The following CRYBG3 variants were observed in gnomAD, a reference collection of about 807,000 sequenced individuals.
CRYBG3 encodes the protein very large A-kinase anchor protein.
In CRYBG3, 127 loss-of-function variants were observed where a neutral mutation model predicts 244.2. The ratio of observed to expected loss-of-function variants is 0.52; its 90% CI spans 0.45 to 0.60. The LOEUF (loss-of-function observed/expected upper bound fraction) is 0.60. CRYBG3 is among the 20% of genes least tolerant of loss of function. The pLI, the probability that CRYBG3 is intolerant of heterozygous loss-of-function variation, is 0.00. For synonymous variants in CRYBG3, 1,132 were observed against 1,195.8 expected, an observed-to-expected ratio of 0.95 and a Z score of 1.10; for missense variants, 3,325 against 3,442.5, an observed-to-expected ratio of 0.97 and a Z score of 0.85.
intron 14 of CRYBG3, 52 bp downstream of exon 14, chr3:97,899,315 T>C (rs776868139): frequency 8.4e-6 from 13 of 1,553,004 alleles, no homozygotes. Context: ...AGTATGCAAT[T>C]AAATATGTGG....
At chr3:97,941,806 C>A (rs954768201) in intron 20 of CRYBG3, 1 of 153,264 alleles carries the variant, frequency 6.5e-6, no homozygotes, top group Non-Finnish European at 1.5e-5. Flanking sequence ...GGGAATAGAA[C>A]ACTACTTTAA....
chr3:97,881,119 T>C lies in CRYBG3; in HGVS notation c.7052T>C (p.Leu2351Pro). The C allele has an allele frequency of 1.2e-6, 2 of 1,611,104 alleles. No individual in the cohort carries two copies. The highest frequency in any genetic ancestry group is 1.7e-6 in the Non-Finnish European group (2 of 1,178,694). ...KPHFRGQKCV[L>P]EEGEKVLNRD... ...CATTTCCGAGGTCAGAAATGTGTGC[T>C]AGAAGAAGGGGAAAAGGTGTTAAAT... is the stretch of plus-strand genomic sequence containing the variant. The change falls in exon 7 of 22, where the codon CTA becomes CCA. Residue 2351 changes from leucine to proline, a missense_variant. Transcript: ENST00000389622.
intron 17 of CRYBG3, chr3:97,924,367 G>C (rs1254998474): frequency 4.4e-6 from 2 of 452,216 alleles, no homozygotes; most frequent in Non-Finnish European, 8.9e-6. Context: ...ACTGCAGTAG[G>C]ATGGATTTCT....
At chr3:97,859,456 A>T (rs906050784) in intron 2 of CRYBG3, among the ~76,000 whole-genome samples, 3 of 152,218 alleles carry the variant, frequency 2.0e-5, no homozygotes, top group African/African-American at 7.2e-5. Flanking sequence ...AAAAAAGTTC[A>T]GACATCACTA....
intron 3 of CRYBG3, among the ~76,000 whole-genome samples, chr3:97,870,105 T>C (rs964527645): frequency 2.0e-5 from 3 of 152,150 alleles, no homozygotes; most frequent in African/African-American, 7.2e-5. Context: ...AGAACACACA[T>C]CAGATTTTTC....
chr3:97,926,590 A>G (rs2040042745), intron 17 of CRYBG3, among the ~76,000 whole-genome samples: 1 of 152,008 alleles, frequency 6.6e-6, no homozygotes, highest in Non-Finnish European at 1.5e-5. Context: ...CAAGAGAAAG[A>G]AGTAAAAGGC....
chr3:97,874,917 A>C lies in CRYBG3; in HGVS notation c.3723A>C (p.Glu1241Asp). 2 of 1,535,646 alleles carry C rather than the reference A, an allele frequency of 1.3e-6. No homozygotes were observed. Among genetic ancestry groups the C allele is most frequent in the Non-Finnish European group, 8.7e-7 (1 of 1,146,730 alleles). The change falls in exon 4 of 22, where the codon GAA becomes GAC. Residue 1241 changes from glutamate to aspartate, a missense_variant. Physicochemically the swap from Glu to Asp is conservative, Grantham distance 45. This residue lies in a region of CRYBG3 where 1,526 missense variants were observed against 1,443.2 expected (regional missense o/e 1.06). Transcript: ENST00000389622. Reference sequence around the variant, plus strand: ...TAATGAATCTGGGTACCCTGAAAGAAGACATCTCTGAGAAAAACCCATCAG... The same window carrying C: ...TAATGAATCTGGGTACCCTGAAAGACGACATCTCTGAGAAAAACCCATCAG... ...EGIMNLGTLK[E>D]DISEKNPSEV...
Position 97,874,059 on chromosome 3 carries a change from A to G in CRYBG3, c.2865A>G (p.Gln955=). The G allele has an allele frequency of 6.5e-7, 1 of 1,535,912 alleles. No individual in the cohort carries two copies. Among genetic ancestry groups the G allele is most frequent in the East Asian group, 2.4e-5 (1 of 40,906 alleles). Residue 955 remains glutamine, a synonymous_variant, in exon 4 of 22, where the codon CAA becomes CAG. Transcript: ENST00000389622. ...TTCATGATGAAAAAATCAGTAGGCAAATGGCGCAGAATTGTGAAGCTCACA... is the reference window on the plus strand; with the variant it reads ...TTCATGATGAAAAAATCAGTAGGCAGATGGCGCAGAATTGTGAAGCTCACA... The part of the protein sequence containing the change: ...PPIHDEKISR[Q]MAQNCEAHTC...
intron 7 of CRYBG3, among the ~76,000 whole-genome samples, chr3:97,884,295 C>A (rs1352427086): frequency 6.6e-6 from 1 of 152,018 alleles, no homozygotes; most frequent in African/African-American, 2.4e-5. Context: ...CAAGTGCTTT[C>A]ATTTATAAAA....
intron 20 of CRYBG3, 200 bp from the exon 21 acceptor site, chr3:97,942,084 A>G: frequency 2.6e-6 from 1 of 383,724 alleles, no homozygotes; most frequent in Non-Finnish European, 4.6e-6. Flanking sequence ...CAGTTGGTTT[A>G]TTTCTGTACC....
At chr3:97,915,395 A>G (rs1230402056) in intron 16 of CRYBG3, among the ~76,000 whole-genome samples, 2 of 152,116 alleles carry the variant, frequency 1.3e-5, no homozygotes, top group African/African-American at 4.8e-5. Context: ...ATGAAATAGT[A>G]TATGTAAAGT....
At position 97,874,911 on chromosome 3, in the gene CRYBG3, G is replaced by T; in HGVS notation, c.3717G>T (p.Leu1239=). The change falls in exon 4 of 22, where the codon CTG becomes CTT. Residue 1239 remains leucine, a synonymous_variant. Coordinates refer to ENST00000389622, the MANE Select transcript of CRYBG3 (RefSeq NM_153605.4). ...AAGGTATAATGAATCTGGGTACCCTGAAAGAAGACATCTCTGAGAAAAACC... is the reference window on the plus strand; with the variant it reads ...AAGGTATAATGAATCTGGGTACCCTTAAAGAAGACATCTCTGAGAAAAACC... The part of the protein sequence containing the change: ...AIEGIMNLGT[L]KEDISEKNPS... 6.5e-7 allele frequency: 1 copy of T among 1,535,386 alleles called. No individual in the cohort carries two copies. Among genetic ancestry groups the T allele is most frequent in the Non-Finnish European group, 8.7e-7 (1 of 1,146,666 alleles).
chr3:97,908,911 C>A (rs2039824909), intron 15 of CRYBG3, among the ~76,000 whole-genome samples: 2 of 152,038 alleles, frequency 1.3e-5, no homozygotes, highest in Admixed American at 1.3e-4. Context: ...ATGTTTAGCG[C>A]TTCCTTCAGG....
In CRYBG3 at chr3:97,943,546, G is replaced by T. The variant is rs571741271; in HGVS notation, c.*232G>T. 98 of 457,612 alleles carry T rather than the reference G, an allele frequency of 2.1e-4. No individual in the cohort carries two copies. The highest frequency in any genetic ancestry group is 5.4e-4 in the Admixed American group (12 of 22,074). The allele number at this position is 457,612 out of a possible 1,614,324, so 28.3% of individuals were successfully genotyped here. A position where few individuals can be genotyped will look rare whatever the true frequency, so the allele number is the denominator to read the frequency against. ...GAAAATATTATGATATCTTGGAAAG[G>T]TTCTATTCCTGATCTCCAGCTGTGG... On this transcript the variant is annotated 3_prime_UTR_variant, in exon 22 of 22. Transcript: ENST00000389622.
At chr3:97,855,741 A>G (rs1171584804) in intron 2 of CRYBG3, among the ~76,000 whole-genome samples, 1 of 152,148 alleles carries the variant, frequency 6.6e-6, no homozygotes, top group African/African-American at 2.4e-5. Flanking sequence ...GTGATGCCCC[A>G]CAGGCTGCAA....
chr3:97,880,239 T>TTATTAGTGTG, intron 6 of CRYBG3, 139 bp downstream of exon 6: 1 of 564,454 alleles, frequency 1.8e-6, no homozygotes, highest in Non-Finnish European at 3.1e-6. Context: ...TGAAACATTA[T>TTATTAGTGTG]TATTAGTGTG....
chr3:97,868,681 C>G (rs1421183447), intron 3 of CRYBG3, among the ~76,000 whole-genome samples: 1 of 152,068 alleles, frequency 6.6e-6, no homozygotes, highest in Non-Finnish European at 1.5e-5. Flanking sequence ...CACTGCCTAC[C>G]CTGCAAAGGA....
chr3:97,830,573 A>G (rs1458583215), intron 1 of CRYBG3, among the ~76,000 whole-genome samples: 1 of 152,112 alleles, frequency 6.6e-6, no homozygotes, highest in Non-Finnish European at 1.5e-5. Flanking sequence ...TTTCTACTTT[A>G]GTAAATGATA....
rs189933205 is a variant in CRYBG3, at chr3:97,875,356, A to G, written c.4162A>G (p.Ser1388Gly). ...NEFFSLSNLASGTESIKGGEI... is the reference protein window; with the variant it reads ...NEFFSLSNLAGGTESIKGGEI... ...ATTCTTCTCCCTAAGTAACTTAGCT[A>G]GTGGCACAGAGTCAATTAAGGGAGG... Residue 1388 changes from serine (S) to glycine (G), a missense_variant, in exon 4 of 22, where the codon AGT (serine) becomes GGT (glycine). Coordinates refer to ENST00000389622, the MANE Select transcript of CRYBG3 (RefSeq NM_153605.4). 7.0e-6 allele frequency: 10 copies of G among 1,424,550 alleles called. No homozygotes were observed. The Admixed American group carries it at 1.6e-4, about 22-fold the overall frequency. The allele number at this position is 1,424,550 out of a possible 1,614,324, so 88.2% of individuals were successfully genotyped here. A position where few individuals can be genotyped will look rare whatever the true frequency, so the allele number is the denominator to read the frequency against.
Sources: allele counts gnomAD v4.1 joint callset (sites outside exome capture counted in the v4.1 genomes callset), GRCh38; gene constraint gnomAD v4.1.1; regional missense constraint gnomAD v4.1.1; transcripts MANE v1.5; gene names NCBI Gene and HGNC (gene_info 2026-07-23, HGNC 2026-07-21).